Variants in RFX6 observed in about 807,000 individuals in gnomAD.
The protein encoded by RFX6 is DNA-binding protein RFX6.
Under a neutral mutation model 110.8 loss-of-function variants are expected in RFX6, and 50 were observed. The ratio of observed to expected loss-of-function variants is 0.45; its 90% CI spans 0.36 to 0.57. RFX6 has a LOEUF of 0.57. Among genes scored for constraint, RFX6 ranks in the 20% least tolerant of loss-of-function variants. The pLI, the probability that RFX6 is intolerant of heterozygous loss-of-function variation, is 0.00. For synonymous variants in RFX6, 383 were observed against 411.2 expected (o/e 0.93, Z 0.83); for missense variants, 990 against 1,127.0 (o/e 0.88, Z 1.74).
intron 2 of RFX6, among the ~76,000 whole-genome samples, chr6:116,879,672 C>A (rs1033878344): frequency 4.6e-5 from 7 of 151,804 alleles, no homozygotes; most frequent in African/African-American, 1.4e-4. Context: ...TCTTACTATA[C>A]ATAAAATTGG....
chr6:116,922,229 G>C (rs546116374), intron 13 of RFX6, 78 bp downstream of exon 13: 149 of 793,706 alleles, frequency 1.9e-4, no homozygotes, highest in South Asian at 3.6e-4. Context: ...TTTTTGTCTG[G>C]GGGGAGAGGG....
intron 5 of RFX6, among the ~76,000 whole-genome samples, chr6:116,894,357 A>G (rs1469675617): frequency 1.3e-5 from 2 of 152,284 alleles, no homozygotes; most frequent in East Asian, 1.9e-4. Context: ...AGCAAAGTCT[A>G]TTTTCAGGTT....
chr6:116,901,997 C>T (rs1775085754), intron 6 of RFX6, among the ~76,000 whole-genome samples: 1 of 152,150 alleles, frequency 6.6e-6, no homozygotes, highest in Non-Finnish European at 1.5e-5. Flanking sequence ...GAGTGCTATA[C>T]TGCTTTGGGT....
chr6:116,926,378 T>G (rs1775734177), intron 16 of RFX6, among the ~76,000 whole-genome samples: 1 of 152,220 alleles, frequency 6.6e-6, no homozygotes, highest in South Asian at 2.1e-4. Context: ...AGGTTCTCTT[T>G]GTGTCAACAT....
Position 116,919,240 on chromosome 6 carries a change from G to T in RFX6, c.1126G>T (p.Val376Leu), listed in dbSNP as rs761408877. Residue 376 changes from valine (V) to leucine (L), a missense_variant, in exon 11 of 19, where the codon GTG (valine) becomes TTG (leucine). Physicochemically the swap from Val to Leu is conservative, Grantham distance 32. This residue lies in a region of RFX6 where 243 missense variants were observed against 353.1 expected (regional missense o/e 0.69). Transcript: ENST00000332958. ...TCTAACTGACAAGAAAATACCTATT[G>T]TGCGAAGATTTGTATCTTCTCTGAA... The part of the protein sequence containing the change: ...EALTDKKIPI[V>L]RRFVSSLKRQ... 1.2e-6 allele frequency: 2 copies of T among 1,613,420 alleles called. No individual in the cohort carries two copies. The highest frequency in any genetic ancestry group is 1.7e-6 in the Non-Finnish European group (2 of 1,179,458).
rs375762913 is a variant in RFX6 at position 116,922,164 on chromosome 6, G to C, written c.1437+13G>C. 2 of 1,136,550 alleles carry C rather than the reference G, an allele frequency of 1.8e-6. No individual in the cohort carries two copies. The highest frequency in any genetic ancestry group is 3.1e-5 in the African/African-American group (2 of 65,450). The allele number at this position is 1,136,550 out of a possible 1,614,324, so 70.4% of individuals were successfully genotyped here. Reference sequence around the variant, plus strand: ...GAGAGTTATTAAGGTACTTTTTAATGACAGATTCAGAAAATAAGTTCCTTG... The same window carrying C: ...GAGAGTTATTAAGGTACTTTTTAATCACAGATTCAGAAAATAAGTTCCTTG... On this transcript the variant is annotated intron_variant, in intron 13 of 18. Coordinates refer to ENST00000332958, the MANE Select transcript of RFX6 (RefSeq NM_173560.4).
intron 6 of RFX6, among the ~76,000 whole-genome samples, chr6:116,908,335 A>G (rs1473460185): frequency 1.3e-5 from 2 of 151,994 alleles, no homozygotes; most frequent in African/African-American, 4.8e-5. Flanking sequence ...TTTTAAATTG[A>G]TCTTGTATTC....
chr6:116,927,300 A>G lies in RFX6; in HGVS notation c.2159A>G (p.His720Arg). ...QPHSTSGLYP[H>R]HTEHGRCMAW... ...CACTCCACATCAGGACTCTATCCTCATCACACCGAGCATGGTCGATGCATG... is the reference window on the plus strand; with the variant it reads ...CACTCCACATCAGGACTCTATCCTCGTCACACCGAGCATGGTCGATGCATG... Residue 720 changes from histidine to arginine, a missense_variant, in exon 17 of 19, where the codon CAT (histidine) becomes CGT (arginine). Around this residue, in one of 5 missense-constraint regions of RFX6, gnomAD observed 438 missense variants for 441.9 expected, o/e 0.99. Coordinates refer to ENST00000332958, the MANE Select transcript of RFX6 (RefSeq NM_173560.4). 1.2e-6 allele frequency: 2 copies of G among 1,614,138 alleles called. No individual in the cohort carries two copies. Among genetic ancestry groups the G allele is most frequent in the Non-Finnish European group, 1.7e-6 (2 of 1,179,990 alleles).
At chr6:116,901,923 C>T (rs192085777) in intron 6 of RFX6, among the ~76,000 whole-genome samples, 205 of 151,900 alleles carry the variant, frequency 1.3e-3, no homozygotes, top group African/African-American at 3.5e-3. Flanking sequence ...GCAGAATACT[C>T]GAAAATAATC....
chr6:116,886,771 CA>C (rs199914768), intron 4 of RFX6, among the ~76,000 whole-genome samples: 6 of 150,384 alleles, frequency 4.0e-5, no homozygotes, highest in African/African-American at 9.7e-5. Context: ...TATATTAAAA[CA>C]AAAAAAAATA....
intron 7 of RFX6, among the ~76,000 whole-genome samples, chr6:116,911,379 C>T (rs1242049622): frequency 1.3e-5 from 2 of 152,170 alleles, no homozygotes; most frequent in African/African-American, 4.8e-5. Flanking sequence ...TTTCAATTAT[C>T]TCCATTTTAT....
chr6:116,918,044 C>G lies in RFX6; in HGVS notation c.980C>G (p.Thr327Arg), dbSNP rs760970395. ...TCTTTTGCTATGATTAAGGTTCTTA[C>G]AGATGTACTCATTCCTGCAACAATG... ...VCDSILYKVL[T>R]DVLIPATMQE... is the part of the protein sequence containing the mutation. The change falls in exon 10 of 19, where the codon ACA becomes AGA. Residue 327 changes from threonine (T) to arginine (R), a missense_variant. This residue lies in a region of RFX6 where 243 missense variants were observed against 353.1 expected (regional missense o/e 0.69). Transcript: ENST00000332958. 1 of 1,605,138 alleles carries G rather than the reference C, an allele frequency of 6.2e-7. No individual in the cohort carries two copies. Among genetic ancestry groups the G allele is most frequent in the Admixed American group, 1.7e-5 (1 of 59,942 alleles).
chr6:116,919,738 C>G (rs1717826940), intron 11 of RFX6, among the ~76,000 whole-genome samples: 1 of 152,172 alleles, frequency 6.6e-6, no homozygotes, highest in South Asian at 2.1e-4. Flanking sequence ...TGTGAAACCA[C>G]AAACTCAACA....
At chr6:116,908,817 CTGTT>C (rs1442089802) in intron 6 of RFX6, among the ~76,000 whole-genome samples, 1 of 151,924 alleles carries the variant, frequency 6.6e-6, no homozygotes, top group African/African-American at 2.4e-5. Context: ...GCATTCTCCT[CTGTT>C]TGTTGTTAAT....
chr6:116,924,820 A>G (rs1280842780), intron 15 of RFX6, 29 bp downstream of exon 15: 2 of 1,494,012 alleles, frequency 1.3e-6, no homozygotes, highest in Admixed American at 1.7e-5. Flanking sequence ...TTTGTTTTGC[A>G]TATTTCTTTG....
At chr6:116,912,085 A>G (rs1775364170) in intron 7 of RFX6, among the ~76,000 whole-genome samples, 1 of 152,186 alleles carries the variant, frequency 6.6e-6, no homozygotes, top group African/African-American at 2.4e-5. Context: ...ATGCAGGAGA[A>G]GAAAACTAAA....
In RFX6 at chr6:116,925,507, G is replaced by A. The variant is rs146115506; in HGVS notation, c.1733G>A (p.Arg578His). The A allele has an allele frequency of 6.8e-6, 11 of 1,613,980 alleles. No individual in the cohort carries two copies. In the South Asian group the frequency reaches 7.7e-5, roughly 11 times the overall value. The change falls in exon 16 of 19, where the codon CGT becomes CAT. Residue 578 changes from arginine (R) to histidine (H), a missense_variant. Physicochemically the swap from Arg to His is conservative, Grantham distance 29 (BLOSUM62 0). This residue lies in a region of RFX6 where 438 missense variants were observed against 441.9 expected (regional missense o/e 0.99). Coordinates refer to ENST00000332958, the MANE Select transcript of RFX6 (RefSeq NM_173560.4). ...CCGAGTTCATGCTTTCTGGCCAACC[G>A]TAATAAAGGGAGCATGGTTTCCAGC... is the stretch of plus-strand genomic sequence containing the variant. ...ASPSSCFLAN[R>H]NKGSMVSSDA...
intron 6 of RFX6, among the ~76,000 whole-genome samples, chr6:116,900,724 A>T (rs1775050393): frequency 6.6e-6 from 1 of 152,194 alleles, no homozygotes; most frequent in Admixed American, 6.5e-5. Context: ...TTACAGTGAG[A>T]AACTATATGT....
intron 11 of RFX6, 70 bp from the exon 12 acceptor site, chr6:116,920,240 T>C (rs889461151): frequency 1.2e-5 from 15 of 1,212,778 alleles, no homozygotes; most frequent in Non-Finnish European, 2.5e-6. Flanking sequence ...ATTTTTCTGA[T>C]AGCTAAAAAT....
Sources: gnomAD v4.1 joint callset for allele counts (sites outside exome capture counted in the v4.1 genomes callset) on GRCh38, gnomAD v4.1.1 for gene constraint, gnomAD v4.1.1 regional missense constraint, MANE v1.5 for transcripts, NCBI Gene and HGNC (gene_info 2026-07-23, HGNC 2026-07-21) for gene names.